The following SLIT2 variants were observed in gnomAD, a reference collection of about 807,000 sequenced individuals.
SLIT2 encodes slit guidance ligand 2.
A neutral mutation model predicts 185.7 loss-of-function variants in SLIT2; 41 were observed. The observed-to-expected ratio is 0.22, with a 90% CI of 0.17 to 0.29. SLIT2 has a LOEUF of 0.29. Ranked by LOEUF, SLIT2 falls within the 10% of genes least tolerant of loss-of-function variation. The pLI is 1.00. For missense variants in SLIT2, 1,571 were observed against 1,909.0 expected, an observed-to-expected ratio of 0.82 and a Z score of 3.30; for synonymous variants, 693 against 680.2, an observed-to-expected ratio of 1.02 and a Z score of -0.29.
Position 20,491,982 on chromosome 4 carries a change from C to T in SLIT2, c.914+83C>T, listed in dbSNP as rs1469449137. 11 of 1,373,400 alleles carry T rather than the reference C, an allele frequency of 8.0e-6. No homozygotes were observed. The Admixed American group carries it at 1.1e-4, about 14-fold the overall frequency. 85.1% of individuals were successfully genotyped at this position (1,373,400 alleles called of 1,614,324 possible). A position where few individuals can be genotyped will look rare whatever the true frequency, so the allele number is the denominator to read the frequency against. On this transcript the variant is annotated intron_variant, in intron 9 of 36. Transcript: ENST00000504154. ...TTTCTTTGGGAAATTCTGAGTTTATCGAAGGCACATCTGATCAATTGGCTT... is the reference window on the plus strand; with the variant it reads ...TTTCTTTGGGAAATTCTGAGTTTATTGAAGGCACATCTGATCAATTGGCTT...
Position 20,253,695 on chromosome 4 carries a change from C to A in SLIT2, c.-121C>A. The A allele has an allele frequency of 8.4e-7, 1 of 1,193,398 alleles. No individual in the cohort carries two copies. The highest frequency in any genetic ancestry group is 1.2e-6 in the Non-Finnish European group (1 of 842,508). 73.9% of individuals were successfully genotyped at this position (1,193,398 alleles called of 1,614,324 possible). A position where few individuals can be genotyped will look rare whatever the true frequency, so the allele number is the denominator to read the frequency against. ...TTCCATATTATTTGGTGCACATTTT[C>A]CCTGGCACTCTGGGTTGCTAGCCCC... On this transcript the variant is annotated 5_prime_UTR_variant, in exon 1 of 37. Transcript: ENST00000504154.
At chr4:20,365,260 C>T (rs565163092) in intron 4 of SLIT2, among the ~76,000 whole-genome samples, 14 of 152,248 alleles carry the variant, frequency 9.2e-5, no homozygotes, top group African/African-American at 3.4e-4. Context: ...ACAGAACATA[C>T]AACCCTGCTG....
intron 11 of SLIT2, among the ~76,000 whole-genome samples, chr4:20,517,576 G>T (rs913712366): frequency 2.0e-5 from 3 of 151,854 alleles, no homozygotes; most frequent in Non-Finnish European, 4.4e-5. Flanking sequence ...TTCTCTAATT[G>T]ATGTACTTTT....
At chr4:20,616,805 G>A (rs548577047) in intron 34 of SLIT2, 105 bp from the exon 35 acceptor site, 131 of 1,265,598 alleles carry the variant, frequency 1.0e-4, no homozygotes, top group South Asian at 4.8e-4. Flanking sequence ...CAAATATCCT[G>A]CCATAATAGG....
chr4:20,362,118 C>T (rs1220083512), intron 4 of SLIT2, among the ~76,000 whole-genome samples: 1 of 152,136 alleles, frequency 6.6e-6, no homozygotes, highest in African/African-American at 2.4e-5. Context: ...CCAGCTCCAT[C>T]TTGTCCTCCT....
chr4:20,339,751 C>A (rs1720807518), intron 4 of SLIT2, among the ~76,000 whole-genome samples: 1 of 152,058 alleles, frequency 6.6e-6, no homozygotes, highest in Non-Finnish European at 1.5e-5. Context: ...TGTAGACTCT[C>A]CTATGGTCTT....
intron 36 of SLIT2, 37 bp from the exon 37 acceptor site, chr4:20,618,731 T>A: frequency 6.5e-7 from 1 of 1,549,122 alleles, no homozygotes; most frequent in Non-Finnish European, 8.8e-7. Context: ...TTACAGTGAC[T>A]GTTCTTAAAA....
chr4:20,424,537 A>G lies in SLIT2; in HGVS notation c.396-43215A>G, dbSNP rs560716108. On this transcript the variant is annotated intron_variant, in intron 4 of 36. Transcript: ENST00000504154. ...CATTTATTCACAGAACATACATGTC[A>G]TTTTCTATTTGTCGTCTAATTTTTT... Among the ~76,000 whole-genome samples, 186 of 152,124 alleles carry G rather than the reference A, an allele frequency of 1.2e-3. 3 individuals are homozygous for G. The highest frequency in any genetic ancestry group is 5.9e-5 in the Non-Finnish European group (4 of 67,932).
At chr4:20,490,736 T>C (rs973496958) in intron 8 of SLIT2, 2 of 1,077,752 alleles carry the variant, frequency 1.9e-6, no homozygotes, top group African/African-American at 3.2e-5. Flanking sequence ...AATTAAATAA[T>C]GAAATGACTA....
intron 4 of SLIT2, among the ~76,000 whole-genome samples, chr4:20,438,230 G>A (rs75913688): frequency 0.075 from 11,435 of 152,140 alleles, 579 homozygotes; most frequent in South Asian, 0.17. Flanking sequence ...CTTTGCAGTT[G>A]CCTCTGTATT....
In SLIT2 at chr4:20,265,656, GT is replaced by G. The variant is rs772439722; in HGVS notation, c.324-3144del. On this transcript the variant is annotated intron_variant, in intron 3 of 36. Transcript: ENST00000504154. ...GAAGAATTCTTCGTATATATTTTCA[GT>G]TTTTTTTTTCTGAAATTTAAAATAC... is the stretch of plus-strand genomic sequence containing the variant. Among the ~76,000 whole-genome samples, 722 of 147,740 alleles carry G rather than the reference GT, an allele frequency of 4.9e-3. 5 individuals are homozygous for G. The highest frequency in any genetic ancestry group is 6.5e-3 in the Non-Finnish European group (430 of 66,510).
chr4:20,565,419 A>G (rs142575959), intron 26 of SLIT2, among the ~76,000 whole-genome samples: 115 of 152,124 alleles, frequency 7.6e-4, no homozygotes, highest in African/African-American at 2.6e-3. Flanking sequence ...TGACTCATAT[A>G]TAACTTTAGC....
At chr4:20,472,812 G>A (rs1231566998) in intron 5 of SLIT2, among the ~76,000 whole-genome samples, 1 of 150,294 alleles carries the variant, frequency 6.7e-6, no homozygotes, top group Admixed American at 6.7e-5. Context: ...TCACTTTACT[G>A]CCAAGAATTG....
intron 4 of SLIT2, among the ~76,000 whole-genome samples, chr4:20,270,932 A>G (rs1951740): frequency 0.052 from 7,870 of 151,982 alleles, 517 homozygotes; most frequent in African/African-American, 0.15. Flanking sequence ...CTCTCGAGAG[A>G]ATAAGTTATA....
intron 29 of SLIT2, among the ~76,000 whole-genome samples, chr4:20,584,344 T>C (rs554678367): frequency 6.6e-6 from 1 of 152,228 alleles, no homozygotes; most frequent in Admixed American, 6.5e-5. Context: ...GGTCTCTTTA[T>C]GCTGATTCAC....
At chr4:20,358,345 A>G (rs1478593082) in intron 4 of SLIT2, among the ~76,000 whole-genome samples, 2 of 152,200 alleles carry the variant, frequency 1.3e-5, no homozygotes, top group African/African-American at 4.8e-5. Context: ...ATGTCGATGC[A>G]TGTATCCACT....
intron 4 of SLIT2, among the ~76,000 whole-genome samples, chr4:20,397,190 C>T (rs1323959863): frequency 6.6e-6 from 1 of 151,668 alleles, no homozygotes; most frequent in African/African-American, 2.4e-5. Context: ...GGGTAAGACA[C>T]CCTGTGTATT....
intron 4 of SLIT2, among the ~76,000 whole-genome samples, chr4:20,284,035 T>C (rs567402148): frequency 6.6e-6 from 1 of 152,200 alleles, no homozygotes; most frequent in Non-Finnish European, 1.5e-5. Context: ...ACAGTAGATG[T>C]ACAAGAAATA....
At chr4:20,510,937 C>A (rs1247181930) in intron 10 of SLIT2, 129 bp from the exon 11 acceptor site, 13 of 574,440 alleles carry the variant, frequency 2.3e-5, no homozygotes, top group Non-Finnish European at 2.8e-5. Context: ...TTCAGATGTT[C>A]AATGTTGCAC....
Sources: allele counts gnomAD v4.1 joint callset (sites outside exome capture counted in the v4.1 genomes callset), GRCh38; gene constraint gnomAD v4.1.1; transcripts MANE v1.5; gene names NCBI Gene and HGNC (gene_info 2026-07-23, HGNC 2026-07-21).